Variants in PCDHGA10 observed in about 807,000 individuals in gnomAD.
PCDHGA10 encodes the protein protocadherin gamma subfamily A, 10.
Under a neutral mutation model 59.5 loss-of-function variants are expected in PCDHGA10, and 42 were observed. The observed-to-expected ratio is 0.71, with a 90% CI of 0.55 to 0.91. The LOEUF (loss-of-function observed/expected upper bound fraction) is 0.91. Among genes scored for constraint, PCDHGA10 ranks in the 40% least tolerant of loss-of-function variants. PCDHGA10 has a pLI of 0.00. For synonymous variants in PCDHGA10, 511 were observed against 517.2 expected (o/e 0.99, Z 0.16); for missense variants, 1,111 against 1,198.2 (o/e 0.93, Z 1.07).
intron 1 of PCDHGA10, chr5:141,478,470 G>A (rs753075137): frequency 1.2e-6 from 2 of 1,613,686 alleles, no homozygotes; most frequent in Non-Finnish European, 1.7e-6. Context: ...CTGGCCAGCC[G>A]CCAGAACACG....
At chr5:141,471,095 C>T (rs1266802067) in intron 1 of PCDHGA10, among the ~76,000 whole-genome samples, 1 of 144,764 alleles carries the variant, frequency 6.9e-6, no homozygotes, top group East Asian at 2.0e-4. Context: ...GTTGTCCAGG[C>T]TAGAGTGCAG....
intron 1 of PCDHGA10, among the ~76,000 whole-genome samples, chr5:141,471,120 C>T (rs560582806): frequency 6.7e-6 from 1 of 149,470 alleles, no homozygotes; most frequent in South Asian, 2.1e-4. Context: ...GCGATCTTAC[C>T]TTCACTGCAA....
In PCDHGA10 at chr5:141,413,445, C is replaced by A. The variant is rs764464917; in HGVS notation, c.270C>A (p.Thr90=). Residue 90 remains threonine, a synonymous_variant, in exon 1 of 4, where the codon ACC becomes ACA. Coordinates refer to ENST00000398610, the MANE Select transcript of PCDHGA10 (RefSeq NM_018913.3). ...SLNPRSGSLI[T]AGRIDREELC... ...ACCCGCGCAGCGGCAGCTTGATCAC[C>A]GCGGGCAGGATAGACCGGGAGGAGC... 6.2e-7 allele frequency: 1 copy of A among 1,613,986 alleles called. No homozygotes were observed. The highest frequency in any genetic ancestry group is 1.7e-5 in the Admixed American group (1 of 60,008).
In PCDHGA10 at chr5:141,440,050, G is replaced by C. The variant is rs747798063; in HGVS notation, c.2436+24439G>C. On this transcript the variant is annotated intron_variant, in intron 1 of 3. Coordinates refer to ENST00000398610, the MANE Select transcript of PCDHGA10 (RefSeq NM_018913.3). ...GTGTCGAGGACATGCCCACTTGAAA[G>C]CTTCGGGTTAATGCTGAGGAATAAT... 6 of 152,826 alleles carry C rather than the reference G, an allele frequency of 3.9e-5. No homozygotes were observed. The East Asian group carries it at 1.2e-3, about 29-fold the overall frequency. 9.5% of individuals were successfully genotyped at this position (152,826 alleles called of 1,614,324 possible). A position where few individuals can be genotyped will look rare whatever the true frequency, so the allele number is the denominator to read the frequency against.
intron 1 of PCDHGA10, chr5:141,422,116 T>A (rs753281558): frequency 2.5e-6 from 4 of 1,604,730 alleles, no homozygotes; most frequent in Non-Finnish European, 3.4e-6. Context: ...CCAATTGGAT[T>A]CACAAACTGG....
At chr5:141,462,360 A>G (rs1400686908) in intron 1 of PCDHGA10, among the ~76,000 whole-genome samples, 1 of 152,238 alleles carries the variant, frequency 6.6e-6, no homozygotes, top group Non-Finnish European at 1.5e-5. Flanking sequence ...TATACATTGT[A>G]TAGTTTCTAT....
intron 1 of PCDHGA10, chr5:141,426,685 A>C (rs1342844985): frequency 4.6e-6 from 2 of 432,608 alleles, no homozygotes; most frequent in African/African-American, 2.0e-5. Flanking sequence ...CATTTTCCCC[A>C]AAATAGCATT....
intron 2 of PCDHGA10, among the ~76,000 whole-genome samples, chr5:141,501,700 C>T (rs936448354): frequency 6.6e-6 from 1 of 151,950 alleles, no homozygotes; most frequent in African/African-American, 2.4e-5. Flanking sequence ...AGGGTGATTC[C>T]GAGGATAAAA....
intron 1 of PCDHGA10, among the ~76,000 whole-genome samples, chr5:141,445,597 G>T (rs2098471988): frequency 6.6e-6 from 1 of 152,200 alleles, no homozygotes; most frequent in African/African-American, 2.4e-5. Context: ...TAATCTGAAG[G>T]TCAAGGAAGG....
chr5:141,465,643 C>T (rs561758040), intron 1 of PCDHGA10, among the ~76,000 whole-genome samples: 2 of 152,306 alleles, frequency 1.3e-5, no homozygotes, highest in East Asian at 3.9e-4. Flanking sequence ...ATGCTTTGAA[C>T]ATCCCAAAAA....
chr5:141,468,159 T>C (rs1408861467), intron 1 of PCDHGA10, among the ~76,000 whole-genome samples: 2 of 151,760 alleles, frequency 1.3e-5, no homozygotes, highest in Admixed American at 6.6e-5. Context: ...ACCCTGTCTC[T>C]GCTAAAAATA....
intron 1 of PCDHGA10, chr5:141,418,471 G>A (rs199547102): frequency 1.9e-6 from 3 of 1,614,002 alleles, no homozygotes; most frequent in South Asian, 2.2e-5. Flanking sequence ...ACCGAGAAAC[G>A]CAGAGCGCTC....
At position 141,414,649 on chromosome 5, in the gene PCDHGA10, AT is replaced by A. The variant is rs1410490912; in HGVS notation, c.1477del (p.Tyr493ThrfsTer44). 9.3e-6 allele frequency: 15 copies of A among 1,613,914 alleles called. No individual in the cohort carries two copies. Among genetic ancestry groups the A allele is most frequent in the Non-Finnish European group, 1.3e-5 (15 of 1,179,876 alleles). ...GGACAGCAAAGAGAATGCCCAGATT[AT>A]TTACTCCCTGGCTGAAGACACCATC... ...DPDSKENAQIIYSLAEDTIQG... is the reference protein window; with the variant it reads ...DPDSKENAQIXYSLAEDTIQG... On this transcript the variant is annotated frameshift_variant, in exon 1 of 4. Coordinates refer to ENST00000398610, the MANE Select transcript of PCDHGA10 (RefSeq NM_018913.3). LOFTEE classifies it high-confidence loss of function.
At chr5:141,452,193 GT>G (rs1375451557) in intron 1 of PCDHGA10, among the ~76,000 whole-genome samples, 1 of 151,990 alleles carries the variant, frequency 6.6e-6, no homozygotes, top group Non-Finnish European at 1.5e-5. Context: ...ACCTCAAATT[GT>G]TTTAGATGTT....
At chr5:141,418,328 G>A (rs1298044571) in intron 1 of PCDHGA10, 1 of 1,614,002 alleles carries the variant, frequency 6.2e-7, no homozygotes, top group Non-Finnish European at 8.5e-7. Flanking sequence ...TCTTGAGTCT[G>A]CAGAAGATCC....
chr5:141,487,033 A>T lies in PCDHGA10; in HGVS notation c.2437-7774A>T, dbSNP rs1465525110. ...AGGCCCCAGATCCCAGCCTGTTTGC[A>T]GTCTCTCGATATGCTGGGGAGGTGC... On this transcript the variant is annotated intron_variant, in intron 1 of 3. Coordinates refer to ENST00000398610, the MANE Select transcript of PCDHGA10 (RefSeq NM_018913.3). This position sits in a 1 kb window ranked among gnomAD's most constrained non-coding sequence, Gnocchi z 5.0. The T allele has an allele frequency of 6.2e-7, 1 of 1,614,042 alleles. No homozygotes were observed. The highest frequency in any genetic ancestry group is 8.5e-7 in the Non-Finnish European group (1 of 1,180,040).
At chr5:141,451,198 C>T (rs1415589731) in intron 1 of PCDHGA10, among the ~76,000 whole-genome samples, 1 of 152,114 alleles carries the variant, frequency 6.6e-6, no homozygotes, top group Non-Finnish European at 1.5e-5. Context: ...AACAAATTAT[C>T]CCAAAACTTA....
chr5:141,432,427 C>G lies in PCDHGA10; in HGVS notation c.2436+16816C>G. 5 of 1,614,242 alleles carry G rather than the reference C, an allele frequency of 3.1e-6. No homozygotes were observed. The highest frequency in any genetic ancestry group is 4.2e-6 in the Non-Finnish European group (5 of 1,180,036). On this transcript the variant is annotated intron_variant, in intron 1 of 3. Transcript: ENST00000398610. The surrounding 1 kb of genome is among the most constrained non-coding windows in gnomAD (Gnocchi z 6.0). ...TGAGCCTGTTCGTGCTGGACCAGAA[C>G]GACAATGCGCCCGAGATCCTGTACC... is the stretch of plus-strand genomic sequence containing the variant.
intron 1 of PCDHGA10, chr5:141,422,849 C>A: frequency 1.2e-6 from 2 of 1,614,238 alleles, no homozygotes; most frequent in Non-Finnish European, 8.5e-7. Context: ...AGCGGGGACC[C>A]GCCCCTCAGC....
Sources: allele counts gnomAD v4.1 joint callset (sites outside exome capture counted in the v4.1 genomes callset), GRCh38; gene constraint gnomAD v4.1.1; non-coding constraint Gnocchi (gnomAD v3.1); transcripts MANE v1.5; gene names NCBI Gene and HGNC (gene_info 2026-07-23, HGNC 2026-07-21).